NPAP1: variants seen among roughly 807,000 people sequenced by gnomAD.
NPAP1 encodes nuclear pore-associated protein 1.
For synonymous variants in NPAP1, 616 were observed against 581.4 expected, an observed-to-expected ratio of 1.06 and a Z score of -0.86; for missense variants, 1,483 against 1,454.5, an observed-to-expected ratio of 1.02 and a Z score of -0.32.
Position 24,679,657 on chromosome 15 carries a change from A to G in NPAP1, c.*319A>G, listed in dbSNP as rs2049004560. The G allele has an allele frequency of 3.0e-6, 1 of 329,800 alleles. No homozygotes were observed. Among genetic ancestry groups the G allele is most frequent in the Non-Finnish European group, 5.9e-6 (1 of 168,418 alleles). 20.4% of individuals were successfully genotyped at this position (329,800 alleles called of 1,614,324 possible). On this transcript the variant is annotated 3_prime_UTR_variant, in exon 1 of 1. Transcript: ENST00000329468. ...CCCACCTGGACAAAACACAGATGGTACCTCTTCCAGGAGTGTCAACATTCA... is the reference window on the plus strand; with the variant it reads ...CCCACCTGGACAAAACACAGATGGTGCCTCTTCCAGGAGTGTCAACATTCA...
Position 24,679,604 on chromosome 15 carries a change from T to G in NPAP1, c.*266T>G. On this transcript the variant is annotated 3_prime_UTR_variant, in exon 1 of 1. Transcript: ENST00000329468. Reference sequence around the variant, plus strand: ...ATATCTTTAATTAGAGGCCCTTGTGTATCCACCTACCAACAAAGTACCTAG... The same window carrying G: ...ATATCTTTAATTAGAGGCCCTTGTGGATCCACCTACCAACAAAGTACCTAG... 2.1e-6 allele frequency: 1 copy of G among 470,054 alleles called. No homozygotes were observed. Among genetic ancestry groups the G allele is most frequent in the Non-Finnish European group, 4.0e-6 (1 of 252,224 alleles). 29.1% of individuals were successfully genotyped at this position (470,054 alleles called of 1,614,324 possible).
rs565797967 is a variant in NPAP1, at chr15:24,681,996, C to G, written c.*2658C>G. 1.2e-5 allele frequency: 2 copies of G among 166,662 alleles called. No homozygotes were observed. The highest frequency in any genetic ancestry group is 2.1e-4 in the South Asian group (1 of 4,798). 10.3% of individuals were successfully genotyped at this position (166,662 alleles called of 1,614,324 possible). A position where few individuals can be genotyped will look rare whatever the true frequency, so the allele number is the denominator to read the frequency against. ...TGTCACCCAGGCTGGAGTGCAGTGG[C>G]GTGATCTTGGCTCACTGCACGCTCC... is the stretch of plus-strand genomic sequence containing the variant. On this transcript the variant is annotated 3_prime_UTR_variant, in exon 1 of 1. Transcript: ENST00000329468.
rs1232744066 is a variant in NPAP1 at position 24,680,226 on chromosome 15, C to T, written c.*888C>T. On this transcript the variant is annotated 3_prime_UTR_variant, in exon 1 of 1. Transcript: ENST00000329468. ...GGCCAGGCTGGTCTCAAACTCCTGA[C>T]CTCAGGTGATCCACCCACCTCGGCC... 2 of 164,924 alleles carry T rather than the reference C, an allele frequency of 1.2e-5. No homozygotes were observed. The highest frequency in any genetic ancestry group is 4.1e-4 in the South Asian group (2 of 4,846). 10.2% of individuals were successfully genotyped at this position (164,924 alleles called of 1,614,324 possible).
Position 24,678,603 on chromosome 15 carries a change from T to C in NPAP1, c.2736T>C (p.Ser912=). ...CTGATGGGCAGCAGAAGTCTGACAG[T>C]TCTTTTATTCTGGGGAATCCAGCAA... The part of the protein sequence containing the change: ...GATDGQQKSD[S]SFILGNPATP... The change falls in exon 1 of 1, where the codon AGT becomes AGC. Residue 912 remains serine (S), a synonymous_variant. Coordinates refer to ENST00000329468, the MANE Select transcript of NPAP1 (RefSeq NM_018958.3). 1 of 1,614,054 alleles carries C rather than the reference T, an allele frequency of 6.2e-7. No homozygotes were observed. Among genetic ancestry groups the C allele is most frequent in the Non-Finnish European group, 8.5e-7 (1 of 1,180,040 alleles).
Position 24,679,099 on chromosome 15 carries a change from G to A in NPAP1, c.3232G>A (p.Val1078Ile), listed in dbSNP as rs1288533660. The A allele has an allele frequency of 1.2e-6, 2 of 1,614,072 alleles. No homozygotes were observed. Among genetic ancestry groups the A allele is most frequent in the African/African-American group, 1.3e-5 (1 of 74,922 alleles). The change falls in exon 1 of 1, where the codon GTA (valine) becomes ATA (isoleucine). Residue 1078 changes from valine (V) to isoleucine (I), a missense_variant. By Grantham distance (29) the Val-to-Ile change is conservative. Coordinates refer to ENST00000329468, the MANE Select transcript of NPAP1 (RefSeq NM_018958.3). The part of the protein sequence containing the change: ...AAPQGASNIP[V>I]FGYTSAAAYI... ...ACCACAAGGGGCTAGCAACATTCCT[G>A]TATTTGGATATACTTCTGCTGCCGC...
chr15:24,678,199 G>A lies in NPAP1; in HGVS notation c.2332G>A (p.Asp778Asn), dbSNP rs2141312064. The A allele has an allele frequency of 1.2e-6, 2 of 1,613,012 alleles. No individual in the cohort carries two copies. Among genetic ancestry groups the A allele is most frequent in the African/African-American group, 2.7e-5 (2 of 74,558 alleles). Residue 778 changes from aspartate to asparagine, a missense_variant, in exon 1 of 1, where the codon GAT becomes AAT. Physicochemically the swap from Asp to Asn is conservative, Grantham distance 23. Transcript: ENST00000329468. ...CCCTCAACCCAAATTTGGGGCCCCTGATGGGCCGCAGCAGAAAACCTCTCT... is the reference window on the plus strand; with the variant it reads ...CCCTCAACCCAAATTTGGGGCCCCTAATGGGCCGCAGCAGAAAACCTCTCT... ...ATPQPKFGAPDGPQQKTSLPS... is the reference protein window; with the variant it reads ...ATPQPKFGAPNGPQQKTSLPS...
At position 24,676,579 on chromosome 15, in the gene NPAP1, G is replaced by C. The variant is rs749705329; in HGVS notation, c.712G>C (p.Ala238Pro). 1 of 1,614,040 alleles carries C rather than the reference G, an allele frequency of 6.2e-7. No individual in the cohort carries two copies. The highest frequency in any genetic ancestry group is 8.5e-7 in the Non-Finnish European group (1 of 1,180,008). Residue 238 changes from alanine to proline, a missense_variant, in exon 1 of 1, where the codon GCC (alanine) becomes CCC (proline). Ala to Pro is a conservative substitution (Grantham distance 27). Coordinates refer to ENST00000329468, the MANE Select transcript of NPAP1 (RefSeq NM_018958.3). The stretch of plus-strand genomic sequence containing the variant: ...AGCGAGCTCCTGCTTGGAAGGCCCT[G>C]CCATGCCCAGCACACACAGCCAGGC... ...SPASSCLEGPAMPSTHSQAGC... is the reference protein window; with the variant it reads ...SPASSCLEGPPMPSTHSQAGC...
Position 24,677,632 on chromosome 15 carries a change from T to A in NPAP1, c.1765T>A (p.Phe589Ile). The A allele has an allele frequency of 3.1e-6, 5 of 1,614,216 alleles. No homozygotes were observed. Among genetic ancestry groups the A allele is most frequent in the Non-Finnish European group, 4.2e-6 (5 of 1,180,044 alleles). ...TACTGCCCCATCTCAGGTTGTTATT[T>A]TCACATCTTCCCTAAGCTCCAGAGT... Reference protein sequence around the residue: ...DTTAPSQVVIFTSSLSSRVSS... With the variant: ...DTTAPSQVVIITSSLSSRVSS... Residue 589 changes from phenylalanine (F) to isoleucine (I), a missense_variant, in exon 1 of 1, where the codon TTC (phenylalanine) becomes ATC (isoleucine). Physicochemically the swap from Phe to Ile is conservative, Grantham distance 21. Transcript: ENST00000329468.
In NPAP1 at chr15:24,677,072, C is replaced by A. The variant is rs778982642; in HGVS notation, c.1205C>A (p.Ser402Tyr). The A allele has an allele frequency of 6.2e-7, 1 of 1,613,984 alleles. No individual in the cohort carries two copies. The change falls in exon 1 of 1, where the codon TCC becomes TAC. Residue 402 changes from serine to tyrosine, a missense_variant. Coordinates refer to ENST00000329468, the MANE Select transcript of NPAP1 (RefSeq NM_018958.3). Reference sequence around the variant, plus strand: ...ATCACCCAGCCTGCCCCTTCTTTCTCCCAACCTGTGCAGACCACAGACTCC... The same window carrying A: ...ATCACCCAGCCTGCCCCTTCTTTCTACCAACCTGTGCAGACCACAGACTCC... ...SSITQPAPSF[S>Y]QPVQTTDSLP...
Position 24,678,600 on chromosome 15 carries a change from C to T in NPAP1, c.2733C>T (p.Asp911=), listed in dbSNP as rs372965255. 5 of 1,613,904 alleles carry T rather than the reference C, an allele frequency of 3.1e-6. No homozygotes were observed. In the African/African-American group the frequency reaches 6.7e-5, roughly 22 times the overall value. ...LGATDGQQKS[D]SSFILGNPAT... The stretch of plus-strand genomic sequence containing the variant: ...CCACTGATGGGCAGCAGAAGTCTGA[C>T]AGTTCTTTTATTCTGGGGAATCCAG... The change falls in exon 1 of 1, where the codon GAC becomes GAT. Residue 911 remains aspartate, a synonymous_variant. Coordinates refer to ENST00000329468, the MANE Select transcript of NPAP1 (RefSeq NM_018958.3).
rs1295604109 is a variant in NPAP1 at position 24,675,931 on chromosome 15, C to A, written c.64C>A (p.Arg22Ser). Reference protein sequence around the residue: ...CRRRPLPGPGRGAPAPLSRDA... With the variant: ...CRRRPLPGPGSGAPAPLSRDA... ...CCGCCGGCCCCTGCCAGGGCCAGGG[C>A]GTGGCGCCCCCGCTCCCCTGTCCCG... Residue 22 changes from arginine (R) to serine (S), a missense_variant, in exon 1 of 1, where the codon CGT becomes AGT. By Grantham distance (110) the Arg-to-Ser change is moderately radical. Transcript: ENST00000329468. The A allele has an allele frequency of 6.3e-7, 1 of 1,584,696 alleles. No homozygotes were observed. Among genetic ancestry groups the A allele is most frequent in the Non-Finnish European group, 8.6e-7 (1 of 1,167,964 alleles).
chr15:24,676,603 G>A lies in NPAP1; in HGVS notation c.736G>A (p.Ala246Thr), dbSNP rs766389868. 2 of 1,614,014 alleles carry A rather than the reference G, an allele frequency of 1.2e-6. No homozygotes were observed. The highest frequency in any genetic ancestry group is 2.2e-5 in the East Asian group (1 of 44,852). ...GPAMPSTHSQ[A>T]GCARHLGKPD... ...TGCCATGCCCAGCACACACAGCCAG[G>A]CCGGATGTGCCCGGCATCTTGGAAA... is the stretch of plus-strand genomic sequence containing the variant. The change falls in exon 1 of 1, where the codon GCC becomes ACC. Residue 246 changes from alanine to threonine, a missense_variant. By Grantham distance (58) the Ala-to-Thr change is moderately conservative (BLOSUM62 0). Coordinates refer to ENST00000329468, the MANE Select transcript of NPAP1 (RefSeq NM_018958.3).
At position 24,676,584 on chromosome 15, in the gene NPAP1, G is replaced by C; in HGVS notation, c.717G>C (p.Met239Ile). ...GCTCCTGCTTGGAAGGCCCTGCCAT[G>C]CCCAGCACACACAGCCAGGCCGGAT... ...PASSCLEGPA[M>I]PSTHSQAGCA... Residue 239 changes from methionine (M) to isoleucine (I), a missense_variant, in exon 1 of 1, where the codon ATG (methionine) becomes ATC (isoleucine). Coordinates refer to ENST00000329468, the MANE Select transcript of NPAP1 (RefSeq NM_018958.3). 6.2e-7 allele frequency: 1 copy of C among 1,614,066 alleles called. No homozygotes were observed. The highest frequency in any genetic ancestry group is 8.5e-7 in the Non-Finnish European group (1 of 1,180,028).
Position 24,678,249 on chromosome 15 carries a change from C to T in NPAP1, c.2382C>T (p.Ser794=), listed in dbSNP as rs772581255. The T allele has an allele frequency of 2.6e-4, 423 of 1,613,580 alleles. No homozygotes were observed. The highest frequency in any genetic ancestry group is 3.3e-4 in the Non-Finnish European group (387 of 1,179,820). Reference sequence around the variant, plus strand: ...TCCCCAGTGCCCATGATTTCCTGAGCCTTCCTATCATGGTTCCTCCAGACA... The same window carrying T: ...TCCCCAGTGCCCATGATTTCCTGAGTCTTCCTATCATGGTTCCTCCAGACA... ...TSLPSAHDFL[S]LPIMVPPDTS... is the part of the protein sequence containing the mutation. The change falls in exon 1 of 1, where the codon AGC becomes AGT. Residue 794 remains serine (S), a synonymous_variant. Transcript: ENST00000329468.
rs1429081483 is a variant in NPAP1, at chr15:24,676,277, C to A, written c.410C>A (p.Ala137Asp). Residue 137 changes from alanine to aspartate, a missense_variant, in exon 1 of 1, where the codon GCC (alanine) becomes GAC (aspartate). By Grantham distance (126) the Ala-to-Asp change is moderately radical. Transcript: ENST00000329468. ...LPSPREPAVK[A>D]RKPIPATLLE... ...TCACCACGTGAGCCGGCGGTCAAGGCCAGGAAGCCCATCCCAGCCACTCTC... is the reference window on the plus strand; with the variant it reads ...TCACCACGTGAGCCGGCGGTCAAGGACAGGAAGCCCATCCCAGCCACTCTC... 5 of 1,519,386 alleles carry A rather than the reference C, an allele frequency of 3.3e-6. No individual in the cohort carries two copies. Among genetic ancestry groups the A allele is most frequent in the Non-Finnish European group, 4.4e-6 (5 of 1,135,804 alleles). The allele number at this position is 1,519,386 out of a possible 1,614,324, so 94.1% of individuals were successfully genotyped here. A position where few individuals can be genotyped will look rare whatever the true frequency, so the allele number is the denominator to read the frequency against.
rs1313077283 is a variant in NPAP1 at position 24,679,992 on chromosome 15, T to C, written c.*654T>C. 5 of 151,424 alleles carry C rather than the reference T, an allele frequency of 3.3e-5. No homozygotes were observed. The highest frequency in any genetic ancestry group is 7.8e-5 in the Non-Finnish European group (5 of 64,368). 9.4% of individuals were successfully genotyped at this position (151,424 alleles called of 1,614,324 possible). A position where few individuals can be genotyped will look rare whatever the true frequency, so the allele number is the denominator to read the frequency against. ...CATTGTTTTTGTTTTGGTTTGTTTGTTTGTTTGTTTGTTTGTTTGTTTGTT... is the reference window on the plus strand; with the variant it reads ...CATTGTTTTTGTTTTGGTTTGTTTGCTTGTTTGTTTGTTTGTTTGTTTGTT... On this transcript the variant is annotated 3_prime_UTR_variant, in exon 1 of 1. Transcript: ENST00000329468.
At position 24,679,415 on chromosome 15, in the gene NPAP1, G is replaced by A; in HGVS notation, c.*77G>A. On this transcript the variant is annotated 3_prime_UTR_variant, in exon 1 of 1. Coordinates refer to ENST00000329468, the MANE Select transcript of NPAP1 (RefSeq NM_018958.3). ...CAGCATTATCCTTTTGTATGGTCATGCTTCTAGTTTCATCTTCATGCCAAG... is the reference window on the plus strand; with the variant it reads ...CAGCATTATCCTTTTGTATGGTCATACTTCTAGTTTCATCTTCATGCCAAG... 8.9e-7 allele frequency: 1 copy of A among 1,122,016 alleles called. No individual in the cohort carries two copies. The highest frequency in any genetic ancestry group is 1.3e-6 in the Non-Finnish European group (1 of 763,456). 69.5% of individuals were successfully genotyped at this position (1,122,016 alleles called of 1,614,324 possible).
chr15:24,682,551 A>G lies in NPAP1; in HGVS notation c.*3213A>G, dbSNP rs1566758522. 6.0e-6 allele frequency: 1 copy of G among 167,058 alleles called. No individual in the cohort carries two copies. Among genetic ancestry groups the G allele is most frequent in the African/African-American group, 2.4e-5 (1 of 41,450 alleles). The allele number at this position is 167,058 out of a possible 1,614,324, so 10.3% of individuals were successfully genotyped here. ...AAGATAAAAAGCAAACATAATATCA[A>G]TTTAAATAATACTGAAAGTCAACCT... On this transcript the variant is annotated 3_prime_UTR_variant, in exon 1 of 1. Transcript: ENST00000329468.
chr15:24,676,665 C>T lies in NPAP1; in HGVS notation c.798C>T (p.Ala266=), dbSNP rs766319160. Residue 266 remains alanine (A), a synonymous_variant, in exon 1 of 1, where the codon GCC becomes GCT. Coordinates refer to ENST00000329468, the MANE Select transcript of NPAP1 (RefSeq NM_018958.3). The part of the protein sequence containing the change: ...DPDATAPPEP[A]VGCSLLQQKL... ...ATGCAACAGCGCCCCCTGAGCCAGC[C>T]GTTGGCTGCTCCCTGCTGCAGCAGA... 17 of 1,613,932 alleles carry T rather than the reference C, an allele frequency of 1.1e-5. No homozygotes were observed. Among genetic ancestry groups the T allele is most frequent in the African/African-American group, 8.0e-5 (6 of 74,932 alleles).
Sources: allele counts gnomAD v4.1 joint callset, GRCh38; gene constraint gnomAD v4.1.1; transcripts MANE v1.5; gene names NCBI Gene and HGNC (gene_info 2026-07-23, HGNC 2026-07-21).